The following NFXL1 variants were observed in gnomAD, a reference collection of about 807,000 sequenced individuals.
NFXL1 encodes nuclear transcription factor, X-box binding like 1.
Under a neutral mutation model 123.3 loss-of-function variants are expected in NFXL1, and 66 were observed. That is an observed-to-expected ratio of 0.54 (90% CI 0.44 to 0.66). The LOEUF is 0.66. NFXL1 is among the 30% of genes least tolerant of loss of function. The pLI is 0.00. For synonymous variants in NFXL1, 346 were observed against 360.8 expected, an observed-to-expected ratio of 0.96 and a Z score of 0.46; for missense variants, 944 against 1,125.6, an observed-to-expected ratio of 0.84 and a Z score of 2.31.
At chr4:47,849,119 G>C (rs2110019024) in intron 22 of NFXL1, among the ~76,000 whole-genome samples, 3 of 152,148 alleles carry the variant, frequency 2.0e-5, no homozygotes, top group African/African-American at 7.2e-5. Context: ...TTTTAAGAAA[G>C]AAATTCAAGT....
Position 47,848,263 on chromosome 4 carries a change from A to G in NFXL1, c.2636T>C (p.Val879Ala). ...KKNRKRDEVA[V>A]ELSLWQKHKY... is the part of the protein sequence containing the mutation. ...ATGTTTTTGCCATAGTGATAGCTCAACTGCCACTTCATCTCTTTTCCTGTT... is the reference window on the plus strand; with the variant it reads ...ATGTTTTTGCCATAGTGATAGCTCAGCTGCCACTTCATCTCTTTTCCTGTT... Residue 879 changes from valine to alanine, a missense_variant, in exon 23 of 23, where the codon GTT becomes GCT. Coordinates refer to ENST00000507489, the MANE Select transcript of NFXL1 (RefSeq NM_001278624.2). 6.2e-7 allele frequency: 1 copy of G among 1,612,912 alleles called. No homozygotes were observed. The highest frequency in any genetic ancestry group is 8.5e-7 in the Non-Finnish European group (1 of 1,179,144).
chr4:47,863,772 A>G (rs1734898463), intron 18 of NFXL1, among the ~76,000 whole-genome samples: 1 of 152,236 alleles, frequency 6.6e-6, no homozygotes, highest in Admixed American at 6.5e-5. Context: ...TCAGTGAGTA[A>G]TTCAGAAAAA....
At chr4:47,864,605 C>T (rs1335194212) in intron 18 of NFXL1, among the ~76,000 whole-genome samples, 1 of 152,152 alleles carries the variant, frequency 6.6e-6, no homozygotes, top group African/African-American at 2.4e-5. Flanking sequence ...TGTCCAGTCA[C>T]ACTTCTACAT....
At chr4:47,911,656 A>C (rs902233203) in intron 2 of NFXL1, among the ~76,000 whole-genome samples, 7 of 152,210 alleles carry the variant, frequency 4.6e-5, no homozygotes, top group African/African-American at 1.7e-4. Context: ...TGTTTCTTCC[A>C]ACTTCATTCC....
At chr4:47,903,443 G>A in intron 4 of NFXL1, 120 bp from the exon 5 acceptor site, 1 of 533,056 alleles carries the variant, frequency 1.9e-6, no homozygotes, top group Non-Finnish European at 2.9e-6. Context: ...AAAGAAAAAA[G>A]GTCTTTCCTT....
intron 2 of NFXL1, among the ~76,000 whole-genome samples, chr4:47,912,916 G>C (rs537611590): frequency 2.0e-5 from 3 of 149,506 alleles, no homozygotes; most frequent in Non-Finnish European, 4.4e-5. Context: ...GGGAGGCTGA[G>C]GCCGGAGAAC....
Position 47,849,623 on chromosome 4 carries a change from C to T in NFXL1, c.2563-1287G>A, listed in dbSNP as rs1184102212. Among the ~76,000 whole-genome samples, 4 of 152,082 alleles carry T rather than the reference C, an allele frequency of 2.6e-5. 1 individual carries two copies. The highest frequency in any genetic ancestry group is 2.9e-5 in the Non-Finnish European group (2 of 67,998). On this transcript the variant is annotated intron_variant, in intron 22 of 22. Transcript: ENST00000507489. Reference sequence around the variant, plus strand: ...TGGTTAGTTTCTGACATATAAAAAACGTCAAAATATCTTAAAAGCAGGCAA... The same window carrying T: ...TGGTTAGTTTCTGACATATAAAAAATGTCAAAATATCTTAAAAGCAGGCAA...
At chr4:47,874,389 T>C (rs1362525888) in intron 18 of NFXL1, among the ~76,000 whole-genome samples, 1 of 152,196 alleles carries the variant, frequency 6.6e-6, no homozygotes, top group Non-Finnish European at 1.5e-5. Flanking sequence ...TGTAGAGTTA[T>C]TAATTGGCCT....
chr4:47,884,098 G>A (rs1736280160), intron 15 of NFXL1, among the ~76,000 whole-genome samples: 1 of 152,128 alleles, frequency 6.6e-6, no homozygotes, highest in African/African-American at 2.4e-5. Flanking sequence ...GCTATGGAAA[G>A]CTAAGAAGGG....
Position 47,890,706 on chromosome 4 carries a change from G to A in NFXL1, c.1453-3C>T, listed in dbSNP as rs1421216643. 6.4e-7 allele frequency: 1 copy of A among 1,572,080 alleles called. No individual in the cohort carries two copies. On this transcript the variant is annotated splice_region_variant and splice_polypyrimidine_tract_variant and intron_variant, in intron 11 of 22. Transcript: ENST00000507489. Reference sequence around the variant, plus strand: ...GGTGGACAGTTTCCAGGGCAACACTGAAGAGAAAGCAATATATAAAGAACA... The same window carrying A: ...GGTGGACAGTTTCCAGGGCAACACTAAAGAGAAAGCAATATATAAAGAACA...
chr4:47,865,930 C>A (rs1016001133), intron 18 of NFXL1, among the ~76,000 whole-genome samples: 3 of 152,116 alleles, frequency 2.0e-5, no homozygotes, highest in Non-Finnish European at 4.4e-5. Flanking sequence ...GTGGGAAGAT[C>A]ACCTGAGCCT....
chr4:47,860,549 C>T (rs1005143715), intron 19 of NFXL1, among the ~76,000 whole-genome samples: 2 of 152,218 alleles, frequency 1.3e-5, no homozygotes, highest in Admixed American at 6.5e-5. Context: ...TGTGTACAAC[C>T]TGTGTAACAG....
intron 18 of NFXL1, among the ~76,000 whole-genome samples, chr4:47,866,572 A>G (rs975827520): frequency 3.3e-5 from 5 of 152,250 alleles, no homozygotes; most frequent in Admixed American, 2.0e-4. Context: ...AAAGAAGAAG[A>G]AAACTGGAAC....
At chr4:47,902,951 C>T (rs1479075497) in intron 5 of NFXL1, among the ~76,000 whole-genome samples, 2 of 152,230 alleles carry the variant, frequency 1.3e-5, no homozygotes, top group African/African-American at 4.8e-5. Context: ...GTCAGGAGTT[C>T]AAGACCAGCC....
intron 22 of NFXL1, among the ~76,000 whole-genome samples, chr4:47,848,896 T>A (rs113820482): frequency 1.4e-3 from 213 of 151,758 alleles, no homozygotes; most frequent in African/African-American, 3.1e-3. Context: ...CTCAAAAAAA[T>A]AAATAAATAA....
In NFXL1 at chr4:47,847,428, A is replaced by C. The variant is rs994699869; in HGVS notation, c.*735T>G. On this transcript the variant is annotated 3_prime_UTR_variant, in exon 23 of 23. Coordinates refer to ENST00000507489, the MANE Select transcript of NFXL1 (RefSeq NM_001278624.2). ...GGAGAAACGAGATTAAGGTACATAG[A>C]CCTCATAAGCCCTGTTGTCAGCACA... 2 of 152,206 alleles carry C rather than the reference A, an allele frequency of 1.3e-5. No individual in the cohort carries two copies. Among genetic ancestry groups the C allele is most frequent in the Non-Finnish European group, 2.9e-5 (2 of 68,030 alleles). The allele number at this position is 152,206 out of a possible 1,614,324, so 9.4% of individuals were successfully genotyped here.
Position 47,912,324 on chromosome 4 carries a change from T to C in NFXL1, c.236-1330A>G, listed in dbSNP as rs115992143. On this transcript the variant is annotated intron_variant, in intron 2 of 22. Coordinates refer to ENST00000507489, the MANE Select transcript of NFXL1 (RefSeq NM_001278624.2). ...TGGACAGAGATAATGAGAACATTCA[T>C]AACCTGATAAATGTATTCACCTAAC... Among the ~76,000 whole-genome samples, 1,424 of 152,272 alleles carry C rather than the reference T, an allele frequency of 9.4e-3. 20 individuals carry two copies. Among genetic ancestry groups the C allele is most frequent in the African/African-American group, 0.032 (1,315 of 41,550 alleles).
chr4:47,904,734 T>C (rs1578040676), intron 4 of NFXL1, among the ~76,000 whole-genome samples: 2 of 152,210 alleles, frequency 1.3e-5, no homozygotes, highest in East Asian at 3.8e-4. Context: ...CACATATATA[T>C]CTTTATCACT....
intron 19 of NFXL1, among the ~76,000 whole-genome samples, chr4:47,860,288 T>C (rs991064885): frequency 1.3e-5 from 2 of 152,212 alleles, no homozygotes; most frequent in Admixed American, 6.5e-5. Context: ...CCCCATACCA[T>C]GTAAAATAAA....
Sources: allele counts gnomAD v4.1 joint callset (sites outside exome capture counted in the v4.1 genomes callset), GRCh38; gene constraint gnomAD v4.1.1; transcripts MANE v1.5; gene names NCBI Gene and HGNC (gene_info 2026-07-23, HGNC 2026-07-21).